Variants in UNC5D observed in about 807,000 individuals in gnomAD.
UNC5D encodes netrin receptor UNC5D.
UNC5D carries 39 observed loss-of-function variants against 105.4 expected under a neutral mutation model. That is an observed-to-expected ratio of 0.37 (90% CI 0.29 to 0.48). The LOEUF (loss-of-function observed/expected upper bound fraction) is 0.48. Ranked by LOEUF, UNC5D falls within the 20% of genes least tolerant of loss-of-function variation. The pLI, the probability that UNC5D is intolerant of heterozygous loss-of-function variation, is 0.98. For synonymous variants in UNC5D, 452 were observed against 450.4 expected (o/e 1.00, Z -0.04); for missense variants, 991 against 1,202.4 (o/e 0.82, Z 2.60).
At chr8:35,281,781 T>C (rs1459499357) in intron 1 of UNC5D, among the ~76,000 whole-genome samples, 1 of 152,202 alleles carries the variant, frequency 6.6e-6, no homozygotes, top group Non-Finnish European at 1.5e-5. Context: ...AATCCTGCCA[T>C]GCCTTTGATA....
At chr8:35,377,130 A>G (rs1802747435) in intron 1 of UNC5D, among the ~76,000 whole-genome samples, 1 of 152,186 alleles carries the variant, frequency 6.6e-6, no homozygotes, top group Non-Finnish European at 1.5e-5. Flanking sequence ...TCCTCTGCAT[A>G]GTGCCTTGTT....
intron 1 of UNC5D, among the ~76,000 whole-genome samples, chr8:35,527,931 G>C (rs776799651): frequency 1.9e-4 from 29 of 151,590 alleles, no homozygotes; most frequent in Non-Finnish European, 4.1e-4. Context: ...GCAGCGAATT[G>C]AGCATCAGAA....
intron 4 of UNC5D, among the ~76,000 whole-genome samples, chr8:35,670,761 T>C (rs1821746): frequency 0.89 from 135,733 of 151,952 alleles, 60,684 homozygotes; most frequent in East Asian, 0.95. Flanking sequence ...CTAATGCATG[T>C]GGGCCATAAA....
At chr8:35,674,526 A>G (rs1825065414) in intron 4 of UNC5D, among the ~76,000 whole-genome samples, 1 of 152,238 alleles carries the variant, frequency 6.6e-6, no homozygotes, top group Admixed American at 6.5e-5. Flanking sequence ...GATTAAATTA[A>G]CTAACACATG....
In UNC5D at chr8:35,322,177, C is replaced by T. The variant is rs142488071; in HGVS notation, c.103+86290C>T. ...GCAGATTCTAGTGTTAAGAGGTAGT[C>T]TTATTGAAAGGGATATTTATTTCCT... On this transcript the variant is annotated intron_variant, in intron 1 of 16. Transcript: ENST00000404895. Among the ~76,000 whole-genome samples, 78 of 152,192 alleles carry T rather than the reference C, an allele frequency of 5.1e-4. No homozygotes were observed. The East Asian group carries it at 0.013, about 26-fold the overall frequency.
At position 35,293,982 on chromosome 8, in the gene UNC5D, G is replaced by A. The variant is rs143591027; in HGVS notation, c.103+58095G>A. On this transcript the variant is annotated intron_variant, in intron 1 of 16. Transcript: ENST00000404895. ...TCTGGGTGTTCAGGAGCATTGTCCA[G>A]TATTAAAAGAACTTTAAAAGACAGT... is the stretch of plus-strand genomic sequence containing the variant. Among the ~76,000 whole-genome samples the A allele has an allele frequency of 2.2e-3, 332 of 152,266 alleles. 1 individual carries two copies. The highest frequency in any genetic ancestry group is 7.7e-3 in the African/African-American group (320 of 41,562).
chr8:35,389,809 A>G (rs1328615458), intron 1 of UNC5D, among the ~76,000 whole-genome samples: 1 of 152,064 alleles, frequency 6.6e-6, no homozygotes, highest in Non-Finnish European at 1.5e-5. Flanking sequence ...GGATTGAGAA[A>G]GAATATGTGT....
At chr8:35,545,741 TC>T (rs1815616907) in intron 1 of UNC5D, among the ~76,000 whole-genome samples, 2 of 152,144 alleles carry the variant, frequency 1.3e-5, no homozygotes, top group South Asian at 4.2e-4. Context: ...ATACCTACAA[TC>T]CCTCACCTTC....
At chr8:35,760,253 G>A (rs375582738) in intron 14 of UNC5D, among the ~76,000 whole-genome samples, 17 of 151,974 alleles carry the variant, frequency 1.1e-4, no homozygotes, top group Admixed American at 5.2e-4. Context: ...ATGTTGGCCA[G>A]ACTGGTCTTG....
Position 35,759,480 on chromosome 8 carries a change from A to C in UNC5D, c.2313+11A>C. 1 of 1,606,144 alleles carries C rather than the reference A, an allele frequency of 6.2e-7. No individual in the cohort carries two copies. ...TTCACTGCCTGCCAGGTACTGGCCAAATGGGTTTCTAACAGAAACGGCTTT... is the reference window on the plus strand; with the variant it reads ...TTCACTGCCTGCCAGGTACTGGCCACATGGGTTTCTAACAGAAACGGCTTT... On this transcript the variant is annotated intron_variant, in intron 14 of 16. Transcript: ENST00000404895.
Position 35,766,919 on chromosome 8 carries a change from C to T in UNC5D, c.2331C>T (p.Arg777=), listed in dbSNP as rs138597942. 280 of 1,613,068 alleles carry T rather than the reference C, an allele frequency of 1.7e-4. No individual in the cohort carries two copies. Among genetic ancestry groups the T allele is most frequent in the Non-Finnish European group, 2.1e-4 (253 of 1,179,530 alleles). Residue 777 remains arginine (R), a synonymous_variant, in exon 15 of 17, where the codon CGC becomes CGT. Transcript: ENST00000404895. ...FTACQEVPFS[R]VWCSNRQPLH... is the part of the protein sequence containing the mutation. ...CCCTGCAGGAAGTCCCGTTCTCCCG[C>T]GTGTGGTGCAGTAACCGGCAGCCCC...
chr8:35,350,760 G>A (rs962514811), intron 1 of UNC5D, among the ~76,000 whole-genome samples: 1 of 151,920 alleles, frequency 6.6e-6, no homozygotes, highest in African/African-American at 2.4e-5. Context: ...AATGGGAAAC[G>A]TTATGTTTAG....
At chr8:35,525,401 GT>G (rs1813793303) in intron 1 of UNC5D, 2 of 1,611,984 alleles carry the variant, frequency 1.2e-6, no homozygotes, top group Non-Finnish European at 1.7e-6. Context: ...TAATGGTCTT[GT>G]GAATGGTCTG....
At chr8:35,348,329 C>G (rs952016225) in intron 1 of UNC5D, among the ~76,000 whole-genome samples, 5 of 151,732 alleles carry the variant, frequency 3.3e-5, no homozygotes, top group South Asian at 2.1e-4. Context: ...AGCAGAGGAG[C>G]AAGAGTAAAG....
At chr8:35,736,900 C>G (rs1829497789) in intron 11 of UNC5D, among the ~76,000 whole-genome samples, 2 of 152,114 alleles carry the variant, frequency 1.3e-5, no homozygotes, top group Admixed American at 6.5e-5. Context: ...TCCAGTTTAT[C>G]TGGTGGGTAG....
At chr8:35,380,098 T>C (rs866724549) in intron 1 of UNC5D, among the ~76,000 whole-genome samples, 2 of 7,398 alleles carry the variant, frequency 2.7e-4, no homozygotes, top group Admixed American at 1.5e-3. Flanking sequence ...GGGGGGGGGG[T>C]CGGGGAGAGA....
intron 2 of UNC5D, among the ~76,000 whole-genome samples, chr8:35,558,263 T>G (rs1015162905): frequency 1.3e-5 from 2 of 152,258 alleles, no homozygotes; most frequent in Non-Finnish European, 2.9e-5. Flanking sequence ...AATAATTGTC[T>G]TTCCAGCAAA....
chr8:35,511,924 A>G (rs1285038191), intron 1 of UNC5D, among the ~76,000 whole-genome samples: 1 of 152,142 alleles, frequency 6.6e-6, no homozygotes, highest in Non-Finnish European at 1.5e-5. Flanking sequence ...GTGCCTGGCT[A>G]TTCGAAGGTG....
Position 35,305,941 on chromosome 8 carries a change from GT to G in UNC5D, c.103+70060del, listed in dbSNP as rs1054086299. 5.2e-5 allele frequency among the ~76,000 whole-genome samples: 7 copies of G among 135,702 alleles called. 1 individual carries two copies. Among genetic ancestry groups the G allele is most frequent in the African/African-American group, 1.9e-4 (7 of 36,572 alleles). The allele number at this position is 135,702 out of a possible 152,430, so 89.0% of individuals were successfully genotyped here. On this transcript the variant is annotated intron_variant, in intron 1 of 16. Transcript: ENST00000404895. ...TCTTTTCTCTCTCTCTCTCTCTGAT[GT>G]TTTTTCTTCTTACCAATATATAAAT...
Sources: allele counts gnomAD v4.1 joint callset (sites outside exome capture counted in the v4.1 genomes callset), GRCh38; gene constraint gnomAD v4.1.1; transcripts MANE v1.5; gene names NCBI Gene and HGNC (gene_info 2026-07-23, HGNC 2026-07-21).